The following POLH variants were observed in gnomAD, a reference collection of about 807,000 sequenced individuals.
The protein encoded by POLH is DNA polymerase eta transcript.
A neutral mutation model predicts 73.6 loss-of-function variants in POLH; 53 were observed. The observed-to-expected ratio is 0.72, with a 90% CI of 0.58 to 0.91. POLH has a LOEUF of 0.91. Ranked by LOEUF, POLH falls within the 40% of genes least tolerant of loss-of-function variation. The probability of loss-of-function intolerance (pLI) is 0.00; values close to 1 mark genes in which losing one functional copy is unlikely to be tolerated. For synonymous variants in POLH, 292 were observed against 308.5 expected, an observed-to-expected ratio of 0.95 and a Z score of 0.56; for missense variants, 768 against 865.4, an observed-to-expected ratio of 0.89 and a Z score of 1.41.
chr6:43,591,028 G>C (rs1582285722), intron 4 of POLH: 1 of 152,008 alleles, frequency 6.6e-6, no homozygotes. Context: ...CAGAAGAGTA[G>C]TAGTAAAACT....
At position 43,618,961 on chromosome 6, in the gene POLH, T is replaced by G. The variant is rs1427512046; in HGVS notation, c.*4404T>G. 7.2e-6 allele frequency among the ~76,000 whole-genome samples: 1 copy of G among 139,130 alleles called. No homozygotes were observed. Among genetic ancestry groups the G allele is most frequent in the Admixed American group, 7.2e-5 (1 of 13,812 alleles). 91.3% of individuals were successfully genotyped at this position (139,130 alleles called of 152,430 possible). ...TCTACTTTTTATTTTATTTATAAAT[T>G]GGGGGGGGGGTTCTATATTTAGTTT... On this transcript the variant is annotated 3_prime_UTR_variant, in exon 11 of 11. Transcript: ENST00000372236.
rs756812454 is a variant in POLH at position 43,619,180 on chromosome 6, C to T, written c.*4623C>T. 3.3e-5 allele frequency among the ~76,000 whole-genome samples: 5 copies of T among 151,652 alleles called. No individual in the cohort carries two copies. Among genetic ancestry groups the T allele is most frequent in the Admixed American group, 6.6e-5 (1 of 15,204 alleles). On this transcript the variant is annotated 3_prime_UTR_variant, in exon 11 of 11. Coordinates refer to ENST00000372236, the MANE Select transcript of POLH (RefSeq NM_006502.3). Reference sequence around the variant, plus strand: ...CTACTGGAGCCCTGGAGTTCAAAACCGGCCTAAGCCACATGGCAAAACAGT... The same window carrying T: ...CTACTGGAGCCCTGGAGTTCAAAACTGGCCTAAGCCACATGGCAAAACAGT...
intron 3 of POLH, among the ~76,000 whole-genome samples, chr6:43,586,988 T>C (rs543890630): frequency 1.3e-5 from 2 of 152,222 alleles, no homozygotes; most frequent in East Asian, 3.9e-4. Flanking sequence ...TTTTAGAGAG[T>C]TCCTTGTCAT....
At chr6:43,594,601 G>A (rs768057769) in intron 4 of POLH, among the ~76,000 whole-genome samples, 1 of 152,164 alleles carries the variant, frequency 6.6e-6, no homozygotes, top group Admixed American at 6.5e-5. Context: ...CAGCTACTCC[G>A]GAGGCTGAAG....
chr6:43,587,154 A>G, intron 3 of POLH, 118 bp from the exon 4 acceptor site: 1 of 821,078 alleles, frequency 1.2e-6, no homozygotes, highest in Non-Finnish European at 2.2e-6. Context: ...GTCTCTGTTA[A>G]GCCACATGTC....
At chr6:43,603,303 A>AT (rs1346735553) in intron 6 of POLH, among the ~76,000 whole-genome samples, 3 of 151,298 alleles carry the variant, frequency 2.0e-5, no homozygotes, top group East Asian at 1.9e-4. Flanking sequence ...ATTTTTTTGT[A>AT]TTTTTTTTGT....
intron 1 of POLH, among the ~76,000 whole-genome samples, chr6:43,580,838 G>A (rs1296613147): frequency 6.9e-6 from 1 of 145,304 alleles, no homozygotes; most frequent in Non-Finnish European, 1.5e-5. Flanking sequence ...AGTAGGGGCG[G>A]CCGGGCAGAG....
chr6:43,599,540 G>A (rs571286197), intron 5 of POLH, among the ~76,000 whole-genome samples: 67 of 152,080 alleles, frequency 4.4e-4, no homozygotes, highest in Admixed American at 2.4e-3. Flanking sequence ...CCAAAGCTCA[G>A]TAATTGGGCA....
rs1302713952 is a variant in POLH, at chr6:43,613,867, C to T, written c.1452C>T (p.Phe484=). The change falls in exon 11 of 11, where the codon TTC becomes TTT. Residue 484 remains phenylalanine, a synonymous_variant. Coordinates refer to ENST00000372236, the MANE Select transcript of POLH (RefSeq NM_006502.3). ...KKATTSLESF[F]QKAAERQKVK... ...CAACCACGTCTCTGGAATCATTCTT[C>T]CAAAAAGCTGCAGAAAGGCAGAAAG... The T allele has an allele frequency of 1.2e-6, 2 of 1,614,156 alleles. No individual in the cohort carries two copies. The highest frequency in any genetic ancestry group is 2.2e-5 in the South Asian group (2 of 91,082).
intron 9 of POLH, among the ~76,000 whole-genome samples, chr6:43,609,248 T>C (rs1329413690): frequency 6.6e-6 from 1 of 152,184 alleles, no homozygotes; most frequent in African/African-American, 2.4e-5. Context: ...CAACATAGGA[T>C]CCATGAGGAC....
At chr6:43,592,919 G>C (rs1266718899) in intron 4 of POLH, among the ~76,000 whole-genome samples, 1 of 152,056 alleles carries the variant, frequency 6.6e-6, no homozygotes, top group African/African-American at 2.4e-5. Context: ...GTCTCACTAT[G>C]TTGCCCGGGC....
chr6:43,588,988 C>T lies in POLH; in HGVS notation c.490+1499C>T, dbSNP rs190462889. On this transcript the variant is annotated intron_variant, in intron 4 of 10. Coordinates refer to ENST00000372236, the MANE Select transcript of POLH (RefSeq NM_006502.3). ...GAGTAGCTGGGATTACGGGCGCCCGCCACCGCGCCCGGCTAATTTTTTTGT... is the reference window on the plus strand; with the variant it reads ...GAGTAGCTGGGATTACGGGCGCCCGTCACCGCGCCCGGCTAATTTTTTTGT... Among the ~76,000 whole-genome samples the T allele has an allele frequency of 3.7e-4, 57 of 152,250 alleles. 1 individual carries two copies. The highest frequency in any genetic ancestry group is 3.4e-3 in the Middle Eastern group (1 of 294).
chr6:43,614,248 A>G lies in POLH; in HGVS notation c.1833A>G (p.Lys611=), dbSNP rs748367351. ...SQSMHASSAS[K]SVLEVTQKAT... ...GCATGCACGCCTCTTCAGCTTCCAA[A>G]TCTGTGCTGGAGGTGACTCAGAAAG... Residue 611 remains lysine (K), a synonymous_variant, in exon 11 of 11, where the codon AAA becomes AAG. Transcript: ENST00000372236. The G allele has an allele frequency of 3.1e-6, 5 of 1,606,194 alleles. No individual in the cohort carries two copies. In the East Asian group the frequency reaches 1.1e-4, roughly 36 times the overall value.
intron 4 of POLH, among the ~76,000 whole-genome samples, chr6:43,594,838 C>G (rs1034431950): frequency 6.6e-6 from 1 of 152,050 alleles, no homozygotes; most frequent in Non-Finnish European, 1.5e-5. Flanking sequence ...ATATTTGAAC[C>G]CTGCTTGACT....
Position 43,618,939 on chromosome 6 carries a change from A to C in POLH, c.*4382A>C, listed in dbSNP as rs1413892139. On this transcript the variant is annotated 3_prime_UTR_variant, in exon 11 of 11. Transcript: ENST00000372236. ...AGCCACCAGGCCAGCCCCAACTTCT[A>C]CTTTTTATTTTATTTATAAATTGGG... is the stretch of plus-strand genomic sequence containing the variant. 7.2e-6 allele frequency among the ~76,000 whole-genome samples: 1 copy of C among 139,732 alleles called. No individual in the cohort carries two copies. The highest frequency in any genetic ancestry group is 1.5e-5 in the Non-Finnish European group (1 of 65,204). 91.7% of individuals were successfully genotyped at this position (139,732 alleles called of 152,430 possible). A position where few individuals can be genotyped will look rare whatever the true frequency, so the allele number is the denominator to read the frequency against.
At chr6:43,594,966 T>TG (rs34708926) in intron 4 of POLH, among the ~76,000 whole-genome samples, 13 of 38,936 alleles carry the variant, frequency 3.3e-4, no homozygotes, top group Non-Finnish European at 3.8e-4. Context: ...GGGGGGCATA[T>TG]GGGGGGGGAT....
In POLH at chr6:43,615,382, T is replaced by G. The variant is rs756454505; in HGVS notation, c.*825T>G. 6.6e-6 allele frequency: 1 copy of G among 151,934 alleles called. No individual in the cohort carries two copies. Among genetic ancestry groups the G allele is most frequent in the Non-Finnish European group, 1.5e-5 (1 of 68,048 alleles). The allele number at this position is 151,934 out of a possible 1,614,324, so 9.4% of individuals were successfully genotyped here. On this transcript the variant is annotated 3_prime_UTR_variant, in exon 11 of 11. Transcript: ENST00000372236. ...TTCAGACCAATATGGTGAAACCCCA[T>G]CTCTACTAAAATTACAAAAAAAATT...
rs1472368738 is a variant in POLH, at chr6:43,603,893, C to CCTA, written c.766_767insCTA (p.Arg256delinsProSer). ...ATTCTTTGTCTCCTTTGTTATCAGC[C>CCTA]GTAGTCTTGGAGGAAAGCTAGGGGC... is the stretch of plus-strand genomic sequence containing the variant. On this transcript the variant is annotated protein_altering_variant and splice_region_variant, in exon 7 of 11. Transcript: ENST00000372236. 6.2e-7 allele frequency: 1 copy of CCTA among 1,613,052 alleles called. No individual in the cohort carries two copies. The highest frequency in any genetic ancestry group is 1.3e-5 in the African/African-American group (1 of 74,830).
At chr6:43,586,628 C>G (rs550362803) in intron 3 of POLH, among the ~76,000 whole-genome samples, 29 of 152,332 alleles carry the variant, frequency 1.9e-4, no homozygotes, top group African/African-American at 6.5e-4. Flanking sequence ...CCTGCCCAGA[C>G]ACATCACCAC....
Sources: gnomAD v4.1 joint callset for allele counts (sites outside exome capture counted in the v4.1 genomes callset) on GRCh38, gnomAD v4.1.1 for gene constraint, MANE v1.5 for transcripts, NCBI Gene and HGNC (gene_info 2026-07-23, HGNC 2026-07-21) for gene names.